The following PLAGL1 variants were observed in gnomAD, a reference collection of about 807,000 sequenced individuals.
PLAGL1 encodes PLAG1 like zinc finger 1.
PLAGL1 carries 1 observed loss-of-function variant against 4.6 expected under a neutral mutation model. The ratio of observed to expected loss-of-function variants is 0.22; its 90% CI spans 0.08 to 1.03. PLAGL1 has a LOEUF of 1.03. Ranked by LOEUF, PLAGL1 falls within the 50% of genes least tolerant of loss-of-function variation. The probability of loss-of-function intolerance (pLI) is 0.58; values close to 1 mark genes in which losing one functional copy is unlikely to be tolerated. For synonymous variants in PLAGL1, 240 were observed against 237.8 expected, an observed-to-expected ratio of 1.01 and a Z score of -0.08; for missense variants, 464 against 570.4, an observed-to-expected ratio of 0.81 and a Z score of 1.90.
At chr6:144,051,414 AT>A (rs1397204632) in intron 1 of PLAGL1, among the ~76,000 whole-genome samples, 3 of 152,348 alleles carry the variant, frequency 2.0e-5, no homozygotes, top group African/African-American at 7.2e-5. Flanking sequence ...CCCACCATGC[AT>A]GAGGCACACA....
chr6:143,948,389 A>G lies in PLAGL1; in HGVS notation c.-253T>C. ...GCTGAGGGGAGAAAGTCTGAGGCAC[A>G]GGTGCGATTCAGGAGCAGAAAGGTA... On this transcript the variant is annotated 5_prime_UTR_variant, in exon 7 of 8. Transcript: ENST00000674357. The surrounding 1 kb of genome is among the most constrained non-coding windows in gnomAD (Gnocchi z 6.0). 1 of 444,238 alleles carries G rather than the reference A, an allele frequency of 2.3e-6. No individual in the cohort carries two copies. The highest frequency in any genetic ancestry group is 3.7e-5 in the East Asian group (1 of 26,776). The allele number at this position is 444,238 out of a possible 1,614,324, so 27.5% of individuals were successfully genotyped here.
In PLAGL1 at chr6:143,962,564, G is replaced by A. The variant is rs1783601546; in HGVS notation, c.-398-2022C>T. 6.6e-6 allele frequency among the ~76,000 whole-genome samples: 1 copy of A among 152,184 alleles called. No homozygotes were observed. The highest frequency in any genetic ancestry group is 2.4e-5 in the African/African-American group (1 of 41,460). Reference sequence around the variant, plus strand: ...GACAAAAACCAAAGTTTCATAGAGTGTATGAGTTCCAGGATGTGTTTTTGC... The same window carrying A: ...GACAAAAACCAAAGTTTCATAGAGTATATGAGTTCCAGGATGTGTTTTTGC... On this transcript the variant is annotated intron_variant, in intron 5 of 7. Coordinates refer to ENST00000674357, the MANE Select transcript of PLAGL1 (RefSeq NM_001317162.2). The surrounding 1 kb of genome is among the most constrained non-coding windows in gnomAD (Gnocchi z 5.3).
intron 1 of PLAGL1, among the ~76,000 whole-genome samples, chr6:144,033,126 G>A (rs900292178): frequency 1.3e-5 from 2 of 152,106 alleles, no homozygotes; most frequent in African/African-American, 4.8e-5. Flanking sequence ...AAACAAAATG[G>A]GAAGAGCATG....
At chr6:143,998,495 C>T (rs1243073125) in intron 1 of PLAGL1, among the ~76,000 whole-genome samples, 2 of 152,226 alleles carry the variant, frequency 1.3e-5, no homozygotes, top group African/African-American at 4.8e-5. Context: ...GATAATAATA[C>T]TTACTTTGCA....
At chr6:144,009,580 T>C (rs1010760242), upstream of PLAGL1, among the ~76,000 whole-genome samples, 6 of 152,220 alleles carry the variant, frequency 3.9e-5, no homozygotes, top group Non-Finnish European at 7.3e-5. Context: ...GTTTGTTACA[T>C]AGGTATACAC....
chr6:143,976,722 T>A (rs1215799630), intron 2 of PLAGL1, among the ~76,000 whole-genome samples: 26 of 152,242 alleles, frequency 1.7e-4, no homozygotes, highest in Admixed American at 1.6e-3. Context: ...GTTTCTATCC[T>A]AAGAGCCGGG....
rs372153249 is a variant in PLAGL1, at chr6:143,941,720, G to T, written c.1096C>A (p.Pro366Thr). 10 of 1,614,126 alleles carry T rather than the reference G, an allele frequency of 6.2e-6. No homozygotes were observed. In the African/African-American group the frequency reaches 1.3e-4, roughly 22 times the overall value. The part of the protein sequence containing the change: ...AGKVNLPKEL[P>T]ADAVNLTIPA... Reference sequence around the variant, plus strand: ...ATTGTTAGGTTCACAGCATCTGCAGGCAGCTCCTTGGGCAGGTTTACTTTA... The same window carrying T: ...ATTGTTAGGTTCACAGCATCTGCAGTCAGCTCCTTGGGCAGGTTTACTTTA... The change falls in exon 8 of 8, where the codon CCT (proline) becomes ACT (threonine). Residue 366 changes from proline to threonine, a missense_variant. Around this residue, in one of 4 missense-constraint regions of PLAGL1, gnomAD observed 248 missense variants for 250.1 expected, o/e 0.99. Coordinates refer to ENST00000674357, the MANE Select transcript of PLAGL1 (RefSeq NM_001317162.2). This position sits in a 1 kb window ranked among gnomAD's most constrained non-coding sequence, Gnocchi z 6.0.
At position 144,053,292 on chromosome 6, in the gene PLAGL1, G is replaced by C. The variant is rs912347393; in HGVS notation, c.-151+11176C>G. 3.9e-5 allele frequency among the ~76,000 whole-genome samples: 6 copies of C among 152,120 alleles called. No individual in the cohort carries two copies. Among genetic ancestry groups the C allele is most frequent in the African/African-American group, 9.7e-5 (4 of 41,426 alleles). The stretch of plus-strand genomic sequence containing the variant: ...TGGGATTACAGGCATGCACCATCAT[G>C]CCGAGCTAATTTTTGTATTTTTAGT... On this transcript the variant is annotated intron_variant, in intron 1 of 3. Transcript: ENST00000437412. This position sits in a 1 kb window ranked among gnomAD's most constrained non-coding sequence, Gnocchi z 4.0.
At chr6:144,049,200 A>G (rs1179764117) in intron 1 of PLAGL1, among the ~76,000 whole-genome samples, 1 of 152,206 alleles carries the variant, frequency 6.6e-6, no homozygotes, top group Non-Finnish European at 1.5e-5. Context: ...CATTGTCCAC[A>G]TCATTAACTG....
intron 1 of PLAGL1, among the ~76,000 whole-genome samples, chr6:144,054,585 C>A (rs577473588): frequency 1.3e-5 from 2 of 152,094 alleles, no homozygotes; most frequent in East Asian, 3.9e-4. Flanking sequence ...ACAACACACA[C>A]TGTGGCCTGT....
chr6:144,015,504 A>C lies in PLAGL1; in HGVS notation c.-150-46526T>G, dbSNP rs1033940200. Among the ~76,000 whole-genome samples the C allele has an allele frequency of 6.6e-6, 1 of 152,234 alleles. No individual in the cohort carries two copies. The highest frequency in any genetic ancestry group is 1.9e-4 in the East Asian group (1 of 5,202). On this transcript the variant is annotated intron_variant, in intron 1 of 3. Transcript: ENST00000437412. The surrounding 1 kb of genome is among the most constrained non-coding windows in gnomAD (Gnocchi z 4.3). ...AAAAAAATCTAAGCCACATGGGAAAAAGTCTTCACAATGCATATATCTGAC... is the reference window on the plus strand; with the variant it reads ...AAAAAAATCTAAGCCACATGGGAAACAGTCTTCACAATGCATATATCTGAC...
In PLAGL1 at chr6:144,013,494, C is replaced by T. The variant is rs975833223; in HGVS notation, c.-150-44516G>A. 6.6e-6 allele frequency among the ~76,000 whole-genome samples: 1 copy of T among 152,196 alleles called. No homozygotes were observed. Among genetic ancestry groups the T allele is most frequent in the African/African-American group, 2.4e-5 (1 of 41,458 alleles). The stretch of plus-strand genomic sequence containing the variant: ...GTGGCTATATTTTATCCTATAGCTG[C>T]CATAACAAATTACCACAAACTGGTG... On this transcript the variant is annotated intron_variant, in intron 1 of 3. Transcript: ENST00000437412. This position sits in a 1 kb window ranked among gnomAD's most constrained non-coding sequence, Gnocchi z 4.4.
rs934211490 is a variant in PLAGL1, at chr6:143,960,640, G to A, written c.-398-98C>T. 8 of 152,144 alleles carry A rather than the reference G, an allele frequency of 5.3e-5. No homozygotes were observed. The highest frequency in any genetic ancestry group is 7.3e-5 in the Non-Finnish European group (5 of 68,028). 9.4% of individuals were successfully genotyped at this position (152,144 alleles called of 1,614,324 possible). On this transcript the variant is annotated intron_variant, in intron 5 of 7. Coordinates refer to ENST00000674357, the MANE Select transcript of PLAGL1 (RefSeq NM_001317162.2). The surrounding 1 kb of genome is among the most constrained non-coding windows in gnomAD (Gnocchi z 5.7). Reference sequence around the variant, plus strand: ...AACTTCACTTCTAGAGCACACACACGACTGGCGATGTGCACAGGAGATTTT... The same window carrying A: ...AACTTCACTTCTAGAGCACACACACAACTGGCGATGTGCACAGGAGATTTT...
chr6:143,988,463 C>T (rs9390150), intron 1 of PLAGL1, among the ~76,000 whole-genome samples: 56,508 of 152,020 alleles, frequency 0.37, 11,039 homozygotes, highest in Non-Finnish European at 0.45. Context: ...AGGAGGAAAC[C>T]AAGATCTTCC....
Position 143,981,842 on chromosome 6 carries a change from T to C in PLAGL1, c.-544+3293A>G, listed in dbSNP as rs535190509. 8.5e-5 allele frequency among the ~76,000 whole-genome samples: 13 copies of C among 152,314 alleles called. No individual in the cohort carries two copies. In the South Asian group the frequency reaches 1.2e-3, roughly 15 times the overall value. ...CCCAATTCTATGATCAGTCAGCAAC[T>C]AGAGAAGGGTGTAATAAGCAAAGTC... On this transcript the variant is annotated intron_variant, in intron 2 of 7. Transcript: ENST00000674357.
intron 1 of PLAGL1, among the ~76,000 whole-genome samples, chr6:144,043,811 CT>C (rs1192636174): frequency 2.0e-5 from 3 of 152,062 alleles, no homozygotes; most frequent in African/African-American, 7.2e-5. Context: ...TGGTCCTGGA[CT>C]TTTTTTGGTT....
rs1780232314 is a variant in PLAGL1, at chr6:143,948,219, G to A, written c.-83C>T. On this transcript the variant is annotated 5_prime_UTR_variant, in exon 7 of 8. Coordinates refer to ENST00000674357, the MANE Select transcript of PLAGL1 (RefSeq NM_001317162.2). This position sits in a 1 kb window ranked among gnomAD's most constrained non-coding sequence, Gnocchi z 6.0. Reference sequence around the variant, plus strand: ...AAGCACAAACAGAACGATGGTGCTGGGCACATCAGCAGAGTCCCTGCAGCT... The same window carrying A: ...AAGCACAAACAGAACGATGGTGCTGAGCACATCAGCAGAGTCCCTGCAGCT... The A allele has an allele frequency of 1.5e-6, 2 of 1,303,958 alleles. No homozygotes were observed. The highest frequency in any genetic ancestry group is 2.2e-6 in the Non-Finnish European group (2 of 916,970). 80.8% of individuals were successfully genotyped at this position (1,303,958 alleles called of 1,614,324 possible).
Position 143,961,962 on chromosome 6 carries a change from A to G in PLAGL1, c.-398-1420T>C, listed in dbSNP as rs1783470190. Among the ~76,000 whole-genome samples the G allele has an allele frequency of 6.6e-6, 1 of 152,150 alleles. No individual in the cohort carries two copies. Among genetic ancestry groups the G allele is most frequent in the Non-Finnish European group, 1.5e-5 (1 of 68,030 alleles). The stretch of plus-strand genomic sequence containing the variant: ...GTCAAAATATTCAAATTATCACAAA[A>G]AGAAAGCGATTCCTTTCTGAATTCA... On this transcript the variant is annotated intron_variant, in intron 5 of 7. Coordinates refer to ENST00000674357, the MANE Select transcript of PLAGL1 (RefSeq NM_001317162.2). This position sits in a 1 kb window ranked among gnomAD's most constrained non-coding sequence, Gnocchi z 6.5.
intron 1 of PLAGL1, among the ~76,000 whole-genome samples, chr6:144,054,776 AGT>A (rs55975441): frequency 0.092 from 13,061 of 141,930 alleles, 510 homozygotes; most frequent in Middle Eastern, 0.15. Context: ...ACTAAAAAAG[AGT>A]GTGTGTGTGT....
Sources: allele counts gnomAD v4.1 joint callset (sites outside exome capture counted in the v4.1 genomes callset), GRCh38; gene constraint gnomAD v4.1.1; regional missense constraint gnomAD v4.1.1; non-coding constraint Gnocchi (gnomAD v3.1); transcripts MANE v1.5; gene names NCBI Gene and HGNC (gene_info 2026-07-23, HGNC 2026-07-21).